Variants in ZNF114 observed in about 807,000 individuals in gnomAD.
The protein encoded by ZNF114 is zinc finger protein 114 (Y18).
In ZNF114, 8 loss-of-function variants were observed where a neutral mutation model predicts 6.8. The observed-to-expected ratio is 1.18, with a 90% confidence interval of 0.69 to 2.13. ZNF114 has a LOEUF of 2.13. Ranked by LOEUF, ZNF114 falls within the 30% of genes most tolerant of loss-of-function variation. The probability of loss-of-function intolerance (pLI) is 0.00; values close to 1 mark genes in which losing one functional copy is unlikely to be tolerated. For missense variants in ZNF114, 472 were observed against 519.5 expected (o/e 0.91, Z 0.89); for synonymous variants, 169 against 185.5 (o/e 0.91, Z 0.72).
chr19:48,274,326 T>C (rs374219271), intron 3 of ZNF114, among the ~76,000 whole-genome samples: 3 of 151,592 alleles, frequency 2.0e-5, no homozygotes, highest in African/African-American at 7.3e-5. Flanking sequence ...ATCATGTAAG[T>C]TGTAGATTTT....
intron 3 of ZNF114, among the ~76,000 whole-genome samples, chr19:48,278,605 A>G (rs949542771): frequency 1.3e-5 from 2 of 152,064 alleles, no homozygotes; most frequent in Non-Finnish European, 2.9e-5. Context: ...TTCTTTGTTC[A>G]TGCATTGATC....
Position 48,279,785 on chromosome 19 carries a change from A to G in ZNF114, c.-15A>G, listed in dbSNP as rs1416359726. Reference sequence around the variant, plus strand: ...CACGGGGAAGCCAGGACTGGCCGTCACGTTGGTGACAAATATGTCCCAGGT... The same window carrying G: ...CACGGGGAAGCCAGGACTGGCCGTCGCGTTGGTGACAAATATGTCCCAGGT... On this transcript the variant is annotated 5_prime_UTR_variant, in exon 4 of 6. Transcript: ENST00000595607. 6.2e-7 allele frequency: 1 copy of G among 1,614,010 alleles called. No homozygotes were observed. Among genetic ancestry groups the G allele is most frequent in the South Asian group, 1.1e-5 (1 of 91,086 alleles).
At position 48,286,760 on chromosome 19, in the gene ZNF114, T is replaced by C. The variant is rs780341411; in HGVS notation, c.1136T>C (p.Ile379Thr). The change falls in exon 6 of 6, where the codon ATA becomes ACA. Residue 379 changes from isoleucine to threonine, a missense_variant. Ile to Thr is a moderately conservative substitution (Grantham distance 89). Coordinates refer to ENST00000595607, the MANE Select transcript of ZNF114 (RefSeq NM_153608.4). ...VIRESSKYTHIRSHTGEKPYK... is the reference protein window; with the variant it reads ...VIRESSKYTHTRSHTGEKPYK... Reference sequence around the variant, plus strand: ...CGGGAGTCCTCAAAATATACACATATAAGGAGCCACACTGGAGAGAAACCC... The same window carrying C: ...CGGGAGTCCTCAAAATATACACATACAAGGAGCCACACTGGAGAGAAACCC... 4.3e-6 allele frequency: 7 copies of C among 1,613,684 alleles called. No homozygotes were observed. Among genetic ancestry groups the C allele is most frequent in the Non-Finnish European group, 5.1e-6 (6 of 1,179,950 alleles).
intron 4 of ZNF114, among the ~76,000 whole-genome samples, chr19:48,280,112 G>T (rs1967951694): frequency 6.6e-6 from 1 of 152,190 alleles, no homozygotes; most frequent in Non-Finnish European, 1.5e-5. Context: ...GTGGGGTGCA[G>T]TGGCTCAAGC....
intron 4 of ZNF114, 136 bp downstream of exon 4, chr19:48,279,944 T>C (rs1967948144): frequency 1.6e-6 from 2 of 1,246,738 alleles, no homozygotes; most frequent in African/African-American, 1.5e-5. Flanking sequence ...GCCCTAGGTC[T>C]CTGCACCTCT....
chr19:48,285,794 C>T lies in ZNF114; in HGVS notation c.170C>T (p.Thr57Ile). 1 of 1,611,134 alleles carries T rather than the reference C, an allele frequency of 6.2e-7. No individual in the cohort carries two copies. The highest frequency in any genetic ancestry group is 8.5e-7 in the Non-Finnish European group (1 of 1,179,180). Residue 57 changes from threonine (T) to isoleucine (I), a missense_variant, in exon 6 of 6, where the codon ACC (threonine) becomes ATC (isoleucine). By Grantham distance (89) the Thr-to-Ile change is moderately conservative. Coordinates refer to ENST00000595607, the MANE Select transcript of ZNF114 (RefSeq NM_153608.4). ...WATPCKTKDA[T>I]PQPDILPKRT... ...ACTCCATGTAAAACCAAAGACGCAA[C>T]CCCTCAGCCGGATATTCTTCCTAAA...
At chr19:48,279,839 C>T (rs1421224367) in intron 4 of ZNF114, 31 bp downstream of exon 4, 7 of 1,613,616 alleles carry the variant, frequency 4.3e-6, no homozygotes, top group African/African-American at 1.3e-5. Context: ...CTCCCAGAAG[C>T]GTGTTGTCGT....
intron 3 of ZNF114, among the ~76,000 whole-genome samples, chr19:48,275,118 G>T (rs1967788935): frequency 6.7e-6 from 1 of 149,270 alleles, no homozygotes; most frequent in African/African-American, 2.5e-5. Flanking sequence ...CTCCAGCCAG[G>T]GCAGCAGAGT....
intron 3 of ZNF114, among the ~76,000 whole-genome samples, chr19:48,273,020 CT>C (rs1967718176): frequency 6.6e-6 from 1 of 152,154 alleles, no homozygotes; most frequent in South Asian, 2.1e-4. Flanking sequence ...TGGTCTCGAG[CT>C]CCTGACCTCG....
At chr19:48,279,705 T>C (rs1389296050) in intron 3 of ZNF114, 26 bp from the exon 4 acceptor site, 1 of 1,562,422 alleles carries the variant, frequency 6.4e-7, no homozygotes, top group African/African-American at 1.4e-5. Context: ...GTGCCTGGAT[T>C]CTCATAGCTC....
chr19:48,285,918 ACACAGG>A lies in ZNF114; in HGVS notation c.297_302del (p.His99_Arg100del), dbSNP rs745901527. 2 of 1,614,168 alleles carry A rather than the reference ACACAGG, an allele frequency of 1.2e-6. No individual in the cohort carries two copies. The highest frequency in any genetic ancestry group is 2.2e-5 in the South Asian group (2 of 91,086). Reference sequence around the variant, plus strand: ...GGAGATGCCCCAAAACAGAGGAACCACACAGGCAGGGGGTGAATAATGTGAAGCCAC... The same window carrying A: ...GGAGATGCCCCAAAACAGAGGAACCACAGGGGGTGAATAATGTGAAGCCAC... On this transcript the variant is annotated inframe_deletion, in exon 6 of 6. Coordinates refer to ENST00000595607, the MANE Select transcript of ZNF114 (RefSeq NM_153608.4).
chr19:48,284,348 T>G lies in ZNF114; in HGVS notation c.137-1413T>G, dbSNP rs114950426. ...AGGCTGAGGCAGGAGGAGGATTACT[T>G]GAGGCCAGGAAGTCGAGACCAGCCC... On this transcript the variant is annotated intron_variant, in intron 5 of 5. Transcript: ENST00000595607. Among the ~76,000 whole-genome samples the G allele has an allele frequency of 1.3e-3, 199 of 152,198 alleles. 1 individual carries two copies. Among genetic ancestry groups the G allele is most frequent in the African/African-American group, 4.5e-3 (185 of 41,544 alleles).
chr19:48,276,386 C>T (rs1225194133), intron 3 of ZNF114, among the ~76,000 whole-genome samples: 1 of 152,002 alleles, frequency 6.6e-6, no homozygotes, highest in Non-Finnish European at 1.5e-5. Flanking sequence ...CAGAGCCTTA[C>T]CTCTGAAAGT....
intron 3 of ZNF114, among the ~76,000 whole-genome samples, chr19:48,274,454 TTTG>T (rs1464262649): frequency 1.3e-5 from 2 of 150,244 alleles, no homozygotes; most frequent in African/African-American, 4.9e-5. Flanking sequence ...GGGGTTTGTT[TTTG>T]TTTTGTTTTA....
Position 48,286,933 on chromosome 19 carries a change from G to A in ZNF114, c.*55G>A, listed in dbSNP as rs1429722100. The stretch of plus-strand genomic sequence containing the variant: ...TCTGACTGTACCAAACATGTGAGGA[G>A]GACATATTGGAAGGGAGCTCAAGGG... On this transcript the variant is annotated 3_prime_UTR_variant, in exon 6 of 6. Coordinates refer to ENST00000595607, the MANE Select transcript of ZNF114 (RefSeq NM_153608.4). The A allele has an allele frequency of 1.3e-6, 2 of 1,508,614 alleles. No individual in the cohort carries two copies. The highest frequency in any genetic ancestry group is 2.8e-5 in the African/African-American group (2 of 71,436). The allele number at this position is 1,508,614 out of a possible 1,614,324, so 93.5% of individuals were successfully genotyped here. A position where few individuals can be genotyped will look rare whatever the true frequency, so the allele number is the denominator to read the frequency against.
chr19:48,279,559 G>T (rs1165843721), intron 3 of ZNF114, among the ~76,000 whole-genome samples, 172 bp from the exon 4 acceptor site: 1 of 120,346 alleles, frequency 8.3e-6, no homozygotes, highest in Non-Finnish European at 1.7e-5. Flanking sequence ...GGGGATGGGG[G>T]TGTGTGGGTG....
At chr19:48,276,113 C>T (rs1967823920) in intron 3 of ZNF114, among the ~76,000 whole-genome samples, 1 of 107,056 alleles carries the variant, frequency 9.3e-6, no homozygotes, top group African/African-American at 3.5e-5. Context: ...GAGTTTCGCT[C>T]TTGTTGCCCA....
At chr19:48,283,867 G>A (rs1378556145) in intron 5 of ZNF114, among the ~76,000 whole-genome samples, 1 of 152,026 alleles carries the variant, frequency 6.6e-6, no homozygotes, top group East Asian at 1.9e-4. Context: ...CCGAGTAGCT[G>A]GGATTATAGA....
chr19:48,281,088 AGCT>A (rs1316419016), intron 4 of ZNF114, among the ~76,000 whole-genome samples: 1 of 152,090 alleles, frequency 6.6e-6, no homozygotes, highest in Non-Finnish European at 1.5e-5. Flanking sequence ...AGCTGCCGTG[AGCT>A]GCATTTGCAC....
Sources: allele counts gnomAD v4.1 joint callset (sites outside exome capture counted in the v4.1 genomes callset), GRCh38; gene constraint gnomAD v4.1.1; transcripts MANE v1.5; gene names NCBI Gene and HGNC (gene_info 2026-07-23, HGNC 2026-07-21).